PCDH7: variants seen among roughly 807,000 people sequenced by gnomAD.
The protein encoded by PCDH7 is protocadherin 7.
Under a neutral mutation model 58.9 loss-of-function variants are expected in PCDH7, and 17 were observed. That is an observed-to-expected ratio of 0.29 (90% confidence interval 0.20 to 0.43). The LOEUF is 0.43. PCDH7 is among the 20% of genes least tolerant of loss of function. PCDH7 has a pLI of 1.00. For synonymous variants in PCDH7, 664 were observed against 616.4 expected (o/e 1.08, Z -1.14); for missense variants, 1,274 against 1,441.0 (o/e 0.88, Z 1.88).
At chr4:30,757,387 G>A (rs1719443978) in intron 1 of PCDH7, among the ~76,000 whole-genome samples, 1 of 152,180 alleles carries the variant, frequency 6.6e-6, no homozygotes, top group African/African-American at 2.4e-5. Flanking sequence ...AACACCGTGA[G>A]CAGGGCAGAA....
rs1457028296 is a variant in PCDH7 at position 30,721,847 on chromosome 4, C to G, written c.425C>G (p.Thr142Ser). 6.2e-7 allele frequency: 1 copy of G among 1,608,266 alleles called. No homozygotes were observed. Among genetic ancestry groups the G allele is most frequent in the African/African-American group, 1.3e-5 (1 of 74,920 alleles). ...CTTGACATCAACGACAACACGCCCA[C>G]CTTCCCGTCGCCCGTGCTCACGCTC... Residue 142 changes from threonine to serine, a missense_variant, in exon 1 of 2, where the codon ACC (threonine) becomes AGC (serine). Coordinates refer to ENST00000361762, the Ensembl canonical transcript of PCDH7. This position sits in a 1 kb window ranked among gnomAD's most constrained non-coding sequence, Gnocchi z 6.7.
chr4:31,054,075 C>A (rs1015641181), intron 3 of PCDH7, among the ~76,000 whole-genome samples: 7 of 152,186 alleles, frequency 4.6e-5, no homozygotes, highest in Admixed American at 3.9e-4. Context: ...AAGCAATCCT[C>A]CCACCTCAGC....
At chr4:30,861,335 A>G (rs757381954) in intron 1 of PCDH7, among the ~76,000 whole-genome samples, 62 of 152,158 alleles carry the variant, frequency 4.1e-4, no homozygotes, top group Non-Finnish European at 7.4e-4. Context: ...ATGATTAACC[A>G]GGGTGATATT....
At chr4:30,777,263 A>G (rs773470723) in intron 1 of PCDH7, among the ~76,000 whole-genome samples, 9 of 152,184 alleles carry the variant, frequency 5.9e-5, no homozygotes, top group Non-Finnish European at 1.3e-4. Context: ...AACCTTACAA[A>G]CTTTCAGTAG....
At chr4:30,875,838 TAAG>T (rs1736217769) in intron 1 of PCDH7, among the ~76,000 whole-genome samples, 1 of 152,136 alleles carries the variant, frequency 6.6e-6, no homozygotes, top group African/African-American at 2.4e-5. Context: ...AAAGATTTAT[TAAG>T]AAGTCCTGAT....
intron 3 of PCDH7, among the ~76,000 whole-genome samples, chr4:31,004,818 G>A (rs1043243032): frequency 4.6e-5 from 7 of 151,924 alleles, no homozygotes; most frequent in African/African-American, 1.7e-4. Flanking sequence ...TTAAAGATGA[G>A]AAAACAGAAG....
chr4:30,824,128 T>G (rs1284228854), intron 1 of PCDH7, among the ~76,000 whole-genome samples: 1 of 148,004 alleles, frequency 6.8e-6, no homozygotes, highest in Non-Finnish European at 1.5e-5. Flanking sequence ...TCTTTCTTTC[T>G]TTCTTTCTTT....
intron 3 of PCDH7, among the ~76,000 whole-genome samples, chr4:31,062,093 A>G (rs1041514949): frequency 6.6e-6 from 1 of 151,710 alleles, no homozygotes; most frequent in Non-Finnish European, 1.5e-5. Flanking sequence ...TGTAGTTTGT[A>G]TGTTATATTG....
At chr4:30,882,410 A>G (rs1272604266) in intron 1 of PCDH7, among the ~76,000 whole-genome samples, 2 of 151,858 alleles carry the variant, frequency 1.3e-5, no homozygotes, top group Non-Finnish European at 2.9e-5. Context: ...CAGACGCACA[A>G]CCATGCCTGG....
intron 2 of PCDH7, among the ~76,000 whole-genome samples, chr4:30,934,530 G>A (rs1302893672): frequency 7.9e-5 from 12 of 151,892 alleles, no homozygotes; most frequent in Non-Finnish European, 1.3e-4. Flanking sequence ...ATTGACTCTC[G>A]GGCTTCATAT....
chr4:31,042,809 T>G (rs1482293575), intron 3 of PCDH7, among the ~76,000 whole-genome samples: 1 of 152,172 alleles, frequency 6.6e-6, no homozygotes, highest in Non-Finnish European at 1.5e-5. Flanking sequence ...CTTGTTCAAT[T>G]TTTTGTTCCT....
chr4:30,990,312 A>G (rs1447620694), intron 3 of PCDH7, among the ~76,000 whole-genome samples: 2 of 152,054 alleles, frequency 1.3e-5, no homozygotes, highest in South Asian at 4.1e-4. Flanking sequence ...ATAGACACAC[A>G]CTATATATAC....
chr4:30,776,984 G>A (rs1190084842), intron 1 of PCDH7, among the ~76,000 whole-genome samples: 1 of 151,992 alleles, frequency 6.6e-6, no homozygotes. Flanking sequence ...TACCTGAAAA[G>A]TGTTGTTGAG....
chr4:30,790,985 A>T (rs1724053151), intron 1 of PCDH7, among the ~76,000 whole-genome samples: 12 of 152,188 alleles, frequency 7.9e-5, no homozygotes, highest in Admixed American at 7.9e-4. Flanking sequence ...TGCTGTAGAC[A>T]GAAAAAAAGG....
At chr4:30,956,087 G>A (rs966575726) in intron 3 of PCDH7, among the ~76,000 whole-genome samples, 12 of 151,254 alleles carry the variant, frequency 7.9e-5, no homozygotes, top group East Asian at 4.0e-4. Context: ...GGTGGTGCAC[G>A]CCTGTAGTCC....
At chr4:31,035,247 C>CTTTT (rs35099580) in intron 3 of PCDH7, among the ~76,000 whole-genome samples, 185 of 99,382 alleles carry the variant, frequency 1.9e-3, no homozygotes, top group Non-Finnish European at 2.2e-3. Context: ...CCTTTTTTCC[C>CTTTT]TTTTTTTTTT....
intron 3 of PCDH7, among the ~76,000 whole-genome samples, chr4:31,087,283 A>C (rs1342486468): frequency 6.6e-6 from 1 of 152,014 alleles, no homozygotes; most frequent in Non-Finnish European, 1.5e-5. Context: ...CTTGGAATTC[A>C]TTGTGTTCCC....
At chr4:30,941,476 G>A (rs1578364907) in intron 2 of PCDH7, among the ~76,000 whole-genome samples, 1 of 151,860 alleles carries the variant, frequency 6.6e-6, no homozygotes, top group African/African-American at 2.4e-5. Context: ...TTACATTTAT[G>A]TGGCTAAATT....
At chr4:30,909,679 A>G (rs991805186) in intron 1 of PCDH7, among the ~76,000 whole-genome samples, 1 of 152,208 alleles carries the variant, frequency 6.6e-6, no homozygotes, top group Non-Finnish European at 1.5e-5. Flanking sequence ...ATAAGAGAGG[A>G]CACAAACAGA....
Sources: gnomAD v4.1 joint callset for allele counts (sites outside exome capture counted in the v4.1 genomes callset) on GRCh38, gnomAD v4.1.1 for gene constraint, Gnocchi (gnomAD v3.1) non-coding constraint, MANE v1.5 for transcripts, NCBI Gene and HGNC (gene_info 2026-07-23, HGNC 2026-07-21) for gene names.